MND1: variants seen among roughly 807,000 people sequenced by gnomAD.
The protein encoded by MND1 is meiotic nuclear division protein 1 homolog.
In MND1, 28 loss-of-function variants were observed where a neutral mutation model predicts 35.1. The ratio of observed to expected loss-of-function variants is 0.80; its 90% CI spans 0.59 to 1.09. The LOEUF (loss-of-function observed/expected upper bound fraction) is 1.09. Among genes scored for constraint, MND1 ranks in the 50% least tolerant of loss-of-function variants. MND1 has a pLI of 0.00. For synonymous variants in MND1, 69 were observed against 70.5 expected (o/e 0.98, Z 0.11); for missense variants, 213 against 239.6 (o/e 0.89, Z 0.73).
intron 3 of MND1, among the ~76,000 whole-genome samples, chr4:153,357,076 G>A (rs1773364490): frequency 6.6e-6 from 1 of 152,076 alleles, no homozygotes; most frequent in Admixed American, 6.5e-5. Context: ...ACCTGCCTTG[G>A]CCTCCCAAAG....
intron 3 of MND1, 28 bp from the exon 4 acceptor site, chr4:153,358,446 C>A (rs763566833): frequency 6.4e-7 from 1 of 1,552,090 alleles, no homozygotes; most frequent in East Asian, 2.3e-5. Flanking sequence ...GTTTTTCTAA[C>A]ATAGAGTCTT....
In MND1 at chr4:153,412,405, A is replaced by C. The variant is rs1729707951; in HGVS notation, c.512-2346A>C. Among the ~76,000 whole-genome samples, 5 of 152,058 alleles carry C rather than the reference A, an allele frequency of 3.3e-5. No individual in the cohort carries two copies. In the South Asian group the frequency reaches 1.0e-3, roughly 32 times the overall value. ...CAAATTTCAAGATCAAGATGTTGGC[A>C]GGTTTGGTTTCTCCAGGTCTTCCTT... On this transcript the variant is annotated intron_variant, in intron 7 of 7. Transcript: ENST00000240488.
At position 153,397,273 on chromosome 4, in the gene MND1, C is replaced by A. The variant is rs1729222562; in HGVS notation, c.406C>A (p.Gln136Lys). 1.2e-6 allele frequency: 2 copies of A among 1,612,694 alleles called. No individual in the cohort carries two copies. Among genetic ancestry groups the A allele is most frequent in the South Asian group, 2.2e-5 (2 of 90,870 alleles). The change falls in exon 6 of 8, where the codon CAG becomes AAG. Residue 136 changes from glutamine (Q) to lysine (K), a missense_variant. Transcript: ENST00000240488. ...ELSSLRDQREQLKAEVEKYKD... is the reference protein window; with the variant it reads ...ELSSLRDQREKLKAEVEKYKD... ...TTCTTCACTTCGAGACCAAAGGGAACAGCTAAAGGCAGAAGTAGAAAAATA... is the reference window on the plus strand; with the variant it reads ...TTCTTCACTTCGAGACCAAAGGGAAAAGCTAAAGGCAGAAGTAGAAAAATA...
At position 153,400,332 on chromosome 4, in the gene MND1, G is replaced by A; in HGVS notation, c.466+2999G>A. 1.3e-5 allele frequency among the ~76,000 whole-genome samples: 2 copies of A among 152,032 alleles called. 1 individual carries two copies. The highest frequency in any genetic ancestry group is 2.9e-5 in the Non-Finnish European group (2 of 68,006). ...TAGAGATATATTAATTTTTTACTTG[G>A]GAATGAGAGAGTAAGAATCCTTCCT... On this transcript the variant is annotated intron_variant, in intron 6 of 7. Coordinates refer to ENST00000240488, the MANE Select transcript of MND1 (RefSeq NM_032117.4).
rs1561068650 is a variant in MND1 at position 153,381,694 on chromosome 4, T to TA, written c.277-12568_277-12567insA. 46 of 8,428 alleles carry TA rather than the reference T, an allele frequency of 5.5e-3. 2 individuals carry two copies. The highest frequency in any genetic ancestry group is 0.042 in the East Asian group (6 of 144). 0.5% of individuals were successfully genotyped at this position (8,428 alleles called of 1,614,324 possible). A position where few individuals can be genotyped will look rare whatever the true frequency, so the allele number is the denominator to read the frequency against. On this transcript the variant is annotated intron_variant, in intron 4 of 7. Transcript: ENST00000240488. ...TATATATATATATATATATATATAT[T>TA]TTTTTTTTTTTTTTTTTTTTTTTTT...
Position 153,394,261 on chromosome 4 carries a change from G to A in MND1, c.277-1G>A, listed in dbSNP as rs1168732528. 1.1e-5 allele frequency: 18 copies of A among 1,611,558 alleles called. No homozygotes were observed. The highest frequency in any genetic ancestry group is 1.5e-5 in the Non-Finnish European group (18 of 1,178,368). ...TGTTTTATTTGTTTTTGATTCTCTA[G>A]TTGTCTGAGGGAAGTCAAAAGCATG... On this transcript the variant is annotated splice_acceptor_variant, in intron 4 of 7. Coordinates refer to ENST00000240488, the MANE Select transcript of MND1 (RefSeq NM_032117.4). LOFTEE classifies it high-confidence loss of function.
intron 4 of MND1, among the ~76,000 whole-genome samples, chr4:153,387,574 C>T (rs1178519854): frequency 1.3e-5 from 2 of 152,042 alleles, no homozygotes; most frequent in Non-Finnish European, 2.9e-5. Flanking sequence ...GCCTGGACAA[C>T]ATAGTGAGAC....
At chr4:153,369,580 C>T (rs1474871937) in intron 4 of MND1, among the ~76,000 whole-genome samples, 1 of 147,094 alleles carries the variant, frequency 6.8e-6, no homozygotes, top group Non-Finnish European at 1.5e-5. Context: ...TTTAAAAATA[C>T]TTTATTGCTA....
At chr4:153,355,030 G>A (rs1489640586) in intron 2 of MND1, among the ~76,000 whole-genome samples, 1 of 152,018 alleles carries the variant, frequency 6.6e-6, no homozygotes, top group Admixed American at 6.6e-5. Context: ...CAGGCATGGT[G>A]GTGCATGTCT....
At chr4:153,350,266 A>G (rs2149628382) in intron 2 of MND1, 137 bp downstream of exon 2, 1 of 618,064 alleles carries the variant, frequency 1.6e-6, no homozygotes, top group Non-Finnish European at 2.7e-6. Context: ...TTCTGCAAAT[A>G]TTTGTGGTTC....
chr4:153,380,335 T>A (rs537224357), intron 4 of MND1, among the ~76,000 whole-genome samples: 2 of 152,320 alleles, frequency 1.3e-5, no homozygotes, highest in African/African-American at 4.8e-5. Flanking sequence ...TTTTCCTTTT[T>A]ACATGCAAGT....
chr4:153,410,051 G>T (rs962150232), intron 7 of MND1, among the ~76,000 whole-genome samples: 2 of 152,244 alleles, frequency 1.3e-5, no homozygotes, highest in African/African-American at 2.4e-5. Flanking sequence ...CTCCTTACTT[G>T]CTGTGTGACC....
At chr4:153,402,641 C>G (rs1209935604) in intron 6 of MND1, among the ~76,000 whole-genome samples, 2 of 152,192 alleles carry the variant, frequency 1.3e-5, no homozygotes, top group Non-Finnish European at 2.9e-5. Context: ...CTGTAAGAGC[C>G]TTGATCCCAA....
intron 4 of MND1, among the ~76,000 whole-genome samples, chr4:153,359,960 T>G (rs1773440718): frequency 6.6e-6 from 1 of 152,034 alleles, no homozygotes; most frequent in Non-Finnish European, 1.5e-5. Context: ...ACTAATTTTG[T>G]ATTTTTAGTA....
intron 7 of MND1, among the ~76,000 whole-genome samples, chr4:153,412,200 C>T (rs1344460050): frequency 6.6e-6 from 1 of 152,144 alleles, no homozygotes; most frequent in Non-Finnish European, 1.5e-5. Flanking sequence ...TAGTATTCTC[C>T]ATAAAATTCA....
At chr4:153,380,707 ATTAC>A (rs1728653004) in intron 4 of MND1, among the ~76,000 whole-genome samples, 2 of 152,164 alleles carry the variant, frequency 1.3e-5, no homozygotes, top group South Asian at 2.1e-4. Flanking sequence ...GAATTGTCTT[ATTAC>A]TTCTCTGTTG....
At chr4:153,377,232 A>C (rs1270530596) in intron 4 of MND1, among the ~76,000 whole-genome samples, 4 of 152,138 alleles carry the variant, frequency 2.6e-5, no homozygotes, top group Non-Finnish European at 4.4e-5. Context: ...AATTTTAGAT[A>C]TTGTGTATTG....
At chr4:153,363,733 C>CCT (rs1342769610) in intron 4 of MND1, among the ~76,000 whole-genome samples, 23 of 152,012 alleles carry the variant, frequency 1.5e-4, no homozygotes, top group Non-Finnish European at 3.1e-4. Context: ...TTCGGACCTA[C>CCT]CTAAGAGGGA....
chr4:153,346,340 G>T (rs1432272493), intron 1 of MND1, among the ~76,000 whole-genome samples: 4 of 152,160 alleles, frequency 2.6e-5, no homozygotes, highest in African/African-American at 9.7e-5. Flanking sequence ...AACTGAGAAG[G>T]TTCCTCAGAT....
Sources: allele counts gnomAD v4.1 joint callset (sites outside exome capture counted in the v4.1 genomes callset), GRCh38; gene constraint gnomAD v4.1.1; transcripts MANE v1.5; gene names NCBI Gene and HGNC (gene_info 2026-07-23, HGNC 2026-07-21).